Variants in CHD1 observed in about 807,000 individuals in gnomAD.
CHD1 encodes the protein ATP-dependent chromatin remodeler CHD1.
Under a neutral mutation model 224.2 loss-of-function variants are expected in CHD1, and 36 were observed. The observed-to-expected ratio is 0.16, with a 90% CI of 0.12 to 0.21. The LOEUF (loss-of-function observed/expected upper bound fraction) is 0.21. Ranked by LOEUF, CHD1 falls within the 10% of genes least tolerant of loss-of-function variation. The pLI is 1.00. For synonymous variants in CHD1, 668 were observed against 658.3 expected (o/e 1.01, Z -0.23); for missense variants, 1,378 against 1,994.8 (o/e 0.69, Z 5.89).
At position 98,879,704 on chromosome 5, in the gene CHD1, C is replaced by T. The variant is rs1262876241; in HGVS notation, c.3085G>A (p.Glu1029Lys). ...FKVANFSNMD[E>K]DDIELEPERN... ...TCAGGTTCCAACTCAATGTCATCCT[C>T]ATCCATATTTGAGAAGTTGGCAACC... The change falls in exon 23 of 36, where the codon GAG (glutamate) becomes AAG (lysine). Residue 1029 changes from glutamate (E) to lysine (K), a missense_variant. This residue lies in a region of CHD1 where 286 missense variants were observed against 445.1 expected (regional missense o/e 0.64). Transcript: ENST00000614616. 6 of 1,599,776 alleles carry T rather than the reference C, an allele frequency of 3.8e-6. No individual in the cohort carries two copies. The African/African-American group carries it at 6.8e-5, about 18-fold the overall frequency.
In CHD1 at chr5:98,903,817, G is replaced by T; in HGVS notation, c.347C>A (p.Ala116Asp). 1 of 1,613,348 alleles carries T rather than the reference G, an allele frequency of 6.2e-7. No individual in the cohort carries two copies. The highest frequency in any genetic ancestry group is 1.1e-5 in the South Asian group (1 of 91,068). ...QQQQQQQQHQASSNSGSEEDS... is the reference protein window; with the variant it reads ...QQQQQQQQHQDSSNSGSEEDS... Reference sequence around the variant, plus strand: ...CTCTTCTGATCCGCTATTAGATGAGGCTTGATGTTGTTGTTGCTGCTGCTG... The same window carrying T: ...CTCTTCTGATCCGCTATTAGATGAGTCTTGATGTTGTTGTTGCTGCTGCTG... The change falls in exon 4 of 36, where the codon GCC becomes GAC. Residue 116 changes from alanine to aspartate, a missense_variant. Around this residue, in one of 16 missense-constraint regions of CHD1, gnomAD observed 306 missense variants for 298.1 expected, o/e 1.03. Coordinates refer to ENST00000614616, the MANE Select transcript of CHD1 (RefSeq NM_001270.4).
rs183571251 is a variant in CHD1 at position 98,878,145 on chromosome 5, G to A, written c.3237+1407C>T. Among the ~76,000 whole-genome samples, 95 of 152,254 alleles carry A rather than the reference G, an allele frequency of 6.2e-4. 2 individuals are homozygous for A. Among genetic ancestry groups the A allele is most frequent in the Non-Finnish European group, 2.5e-4 (17 of 68,000 alleles). On this transcript the variant is annotated intron_variant, in intron 23 of 35. Coordinates refer to ENST00000614616, the MANE Select transcript of CHD1 (RefSeq NM_001270.4). Reference sequence around the variant, plus strand: ...TCACAGGACCTAACAGCCAAAACTCGGAGGACCTGCACCCACTCTCAAGCA... The same window carrying A: ...TCACAGGACCTAACAGCCAAAACTCAGAGGACCTGCACCCACTCTCAAGCA...
chr5:98,868,237 G>A (rs984020759), intron 31 of CHD1, among the ~76,000 whole-genome samples: 3 of 151,610 alleles, frequency 2.0e-5, no homozygotes, highest in African/African-American at 4.8e-5. Context: ...TGAGGCAGGA[G>A]GGGCACTTGA....
intron 2 of CHD1, among the ~76,000 whole-genome samples, chr5:98,919,611 C>G (rs1429723310): frequency 6.6e-6 from 1 of 152,036 alleles, no homozygotes; most frequent in Non-Finnish European, 1.5e-5. Flanking sequence ...GGTGGATGGT[C>G]AGAGCCAGGT....
At chr5:98,921,544 G>A (rs1457426590) in intron 2 of CHD1, among the ~76,000 whole-genome samples, 1 of 152,070 alleles carries the variant, frequency 6.6e-6, no homozygotes, top group Non-Finnish European at 1.5e-5. Flanking sequence ...ACCACAACTG[G>A]TGCAACTTTT....
intron 2 of CHD1, among the ~76,000 whole-genome samples, chr5:98,907,378 C>T (rs1399386491): frequency 3.3e-5 from 5 of 152,032 alleles, no homozygotes; most frequent in South Asian, 2.1e-4. Flanking sequence ...CACCTGAGGT[C>T]GGGAGTTCGA....
chr5:98,860,400 TTATGCATATAAGGGACAGGTA>T, intron 32 of CHD1: 2 of 321,368 alleles, frequency 6.2e-6, no homozygotes, highest in South Asian at 5.3e-5. Context: ...GTGATCCTGA[TTATGCATATAAGGGACAGGTA>T]TGTTAATAAC....
chr5:98,911,922 G>C (rs888202482), intron 2 of CHD1, among the ~76,000 whole-genome samples: 6 of 152,148 alleles, frequency 3.9e-5, no homozygotes, highest in Non-Finnish European at 8.8e-5. Context: ...GACCAAACTG[G>C]AATGCAGACT....
chr5:98,915,064 C>T (rs191709333), intron 2 of CHD1, among the ~76,000 whole-genome samples: 26 of 152,126 alleles, frequency 1.7e-4, no homozygotes, highest in Non-Finnish European at 2.8e-4. Context: ...AGTCAAGCAA[C>T]GGCTTTCAAA....
chr5:98,871,369 C>CAAAAAAAAAAAA (rs61406690), intron 28 of CHD1, among the ~76,000 whole-genome samples: 1 of 46,796 alleles, frequency 2.1e-5, no homozygotes, highest in African/African-American at 1.1e-4. Context: ...CCATTTTAGG[C>CAAAAAAAAAAAA]AAAAAAAAAA....
chr5:98,872,311 CCT>C, intron 27 of CHD1, 104 bp downstream of exon 27: 1 of 1,461,740 alleles, frequency 6.8e-7, no homozygotes, highest in Non-Finnish European at 9.3e-7. Context: ...TTTATTTCTT[CCT>C]TTTTTTTTTC....
Position 98,893,598 on chromosome 5 carries a change from A to G in CHD1, c.1809T>C (p.Leu603=). Residue 603 remains leucine, a synonymous_variant, in exon 14 of 36, where the codon CTT becomes CTC. Transcript: ENST00000614616. ...YEILLKDKAF[L]GGLNWAFIGV... is the part of the protein sequence containing the mutation. The stretch of plus-strand genomic sequence containing the variant: ...CTATAAATGCCCAATTTAGACCTCC[A>G]AGGAATGCCTTAAAATAATAGAAAA... The G allele has an allele frequency of 3.2e-6, 5 of 1,581,634 alleles. No individual in the cohort carries two copies. Among genetic ancestry groups the G allele is most frequent in the Non-Finnish European group, 4.3e-6 (5 of 1,165,520 alleles).
intron 31 of CHD1, 26 bp from the exon 32 acceptor site, chr5:98,863,612 A>G (rs757014470): frequency 1.3e-6 from 2 of 1,542,058 alleles, no homozygotes; most frequent in South Asian, 2.4e-5. Context: ...ACAAGAATAT[A>G]AACACATGTA....
intron 2 of CHD1, among the ~76,000 whole-genome samples, chr5:98,905,397 A>G (rs1400143640): frequency 1.3e-5 from 2 of 152,208 alleles, no homozygotes; most frequent in Non-Finnish European, 2.9e-5. Context: ...AATATGCAAA[A>G]TCTACTAAGT....
At position 98,883,235 on chromosome 5, in the gene CHD1, A is replaced by G. The variant is rs1561506294; in HGVS notation, c.2571T>C (p.Asp857=). Residue 857 remains aspartate (D), a splice_region_variant and synonymous_variant, in exon 19 of 36, where the codon GAT becomes GAC. Coordinates refer to ENST00000614616, the MANE Select transcript of CHD1 (RefSeq NM_001270.4). ...CTCTTGTGGACAGCAAAAAGCAAAA[A>G]TCCTGTAAGAAATTGAATAATCAAA... ...LDHFNAEGSE[D]FCFLLSTRAG... 1 of 1,573,078 alleles carries G rather than the reference A, an allele frequency of 6.4e-7. No individual in the cohort carries two copies. The highest frequency in any genetic ancestry group is 8.6e-7 in the Non-Finnish European group (1 of 1,166,912).
At position 98,882,029 on chromosome 5, in the gene CHD1, T is replaced by C; in HGVS notation, c.2813A>G (p.Gln938Arg). ...KKMVLDHLVI[Q>R]RMDTTGKTVL... ...TGTCTTCCCAGTTGTGTCCATTCTTTGAATTACAAGATGATCTAAAACCAT... is the reference window on the plus strand; with the variant it reads ...TGTCTTCCCAGTTGTGTCCATTCTTCGAATTACAAGATGATCTAAAACCAT... Residue 938 changes from glutamine (Q) to arginine (R), a missense_variant, in exon 20 of 36, where the codon CAA becomes CGA. By Grantham distance (43) the Gln-to-Arg change is conservative. Coordinates refer to ENST00000614616, the MANE Select transcript of CHD1 (RefSeq NM_001270.4). The C allele has an allele frequency of 6.2e-7, 1 of 1,613,926 alleles. No homozygotes were observed. The highest frequency in any genetic ancestry group is 8.5e-7 in the Non-Finnish European group (1 of 1,179,890).
chr5:98,898,275 G>C lies in CHD1; in HGVS notation c.1346C>G (p.Thr449Ser). The part of the protein sequence containing the change: ...EYFSRNQSKT[T>S]PFKDCKVLKQ... The stretch of plus-strand genomic sequence containing the variant: ...ACTCACTTTGCAATCTTTAAAAGGA[G>C]TGGTTTTTGATTGGTTCCTGCTAAA... Residue 449 changes from threonine (T) to serine (S), a missense_variant, in exon 10 of 36, where the codon ACT becomes AGT. Transcript: ENST00000614616. 1 of 1,530,626 alleles carries C rather than the reference G, an allele frequency of 6.5e-7. No individual in the cohort carries two copies. The highest frequency in any genetic ancestry group is 8.8e-7 in the Non-Finnish European group (1 of 1,140,962). The allele number at this position is 1,530,626 out of a possible 1,614,324, so 94.8% of individuals were successfully genotyped here.
intron 21 of CHD1, 25 bp downstream of exon 21, chr5:98,881,254 T>A: frequency 1.5e-5 from 3 of 204,736 alleles, no homozygotes; most frequent in Non-Finnish European, 2.4e-5. Flanking sequence ...AGGCAGGCCT[T>A]TTTTTTTTTT....
chr5:98,883,277 T>C (rs370819483), intron 18 of CHD1, 40 bp from the exon 19 acceptor site: 51 of 1,452,222 alleles, frequency 3.5e-5, no homozygotes, highest in Middle Eastern at 1.8e-4. Context: ...AATTTTTCAA[T>C]TGATTTTCTG....
Sources: gnomAD v4.1 joint callset for allele counts (sites outside exome capture counted in the v4.1 genomes callset) on GRCh38, gnomAD v4.1.1 for gene constraint, gnomAD v4.1.1 regional missense constraint, MANE v1.5 for transcripts, NCBI Gene and HGNC (gene_info 2026-07-23, HGNC 2026-07-21) for gene names.